Variants in KCNMB2 observed in about 807,000 individuals in gnomAD.
The protein encoded by KCNMB2 is calcium-activated potassium channel subunit beta-2.
Under a neutral mutation model 24.5 loss-of-function variants are expected in KCNMB2, and 9 were observed. That is an observed-to-expected ratio of 0.37 (90% CI 0.22 to 0.64). The LOEUF is 0.64. Ranked by LOEUF, KCNMB2 falls within the 30% of genes least tolerant of loss-of-function variation. The pLI, the probability that KCNMB2 is intolerant of heterozygous loss-of-function variation, is 0.63. For missense variants in KCNMB2, 226 were observed against 284.3 expected, an observed-to-expected ratio of 0.79 and a Z score of 1.47; for synonymous variants, 109 against 104.4, an observed-to-expected ratio of 1.04 and a Z score of -0.27.
chr3:178,662,257 C>G (rs1720558065), intron 1 of KCNMB2, among the ~76,000 whole-genome samples: 2 of 152,162 alleles, frequency 1.3e-5, no homozygotes. Context: ...TTTCTCTTCA[C>G]AAGTTCTCAT....
chr3:178,754,150 GTATATATATATATA>G (rs755809548), intron 1 of KCNMB2, among the ~76,000 whole-genome samples: 8 of 106,278 alleles, frequency 7.5e-5, no homozygotes, highest in African/African-American at 3.0e-4. Context: ...ATATTCCATT[GTATATATATATATA>G]TATATATATA....
chr3:178,706,915 G>A (rs61796869), intron 1 of KCNMB2, among the ~76,000 whole-genome samples: 9,484 of 152,178 alleles, frequency 0.062, 292 homozygotes, highest in Non-Finnish European at 0.073. Context: ...TGTGGATGAC[G>A]GGTTGATGGG....
chr3:178,760,637 A>G (rs1001726858), intron 1 of KCNMB2, among the ~76,000 whole-genome samples: 2 of 151,086 alleles, frequency 1.3e-5, no homozygotes, highest in African/African-American at 4.9e-5. Flanking sequence ...ATTTTCTTTT[A>G]CAAGAAGGAA....
rs150703097 is a variant in KCNMB2, at chr3:178,592,070, G to C, written c.-68+55359G>C. ...AGTTCAAGTTTGTATCTTTCTATGGGAGGGCAAAAGAGTACTTTCCCTTCA... is the reference window on the plus strand; with the variant it reads ...AGTTCAAGTTTGTATCTTTCTATGGCAGGGCAAAAGAGTACTTTCCCTTCA... On this transcript the variant is annotated intron_variant, in intron 1 of 4. Transcript: ENST00000452583. Among the ~76,000 whole-genome samples the C allele has an allele frequency of 5.9e-4, 90 of 152,184 alleles. 1 individual carries two copies. In the East Asian group the frequency reaches 0.014, roughly 23 times the overall value.
At chr3:178,688,759 G>A (rs6795477) in intron 1 of KCNMB2, among the ~76,000 whole-genome samples, 58,261 of 151,884 alleles carry the variant, frequency 0.38, 11,201 homozygotes, top group Middle Eastern at 0.51. Flanking sequence ...ATTTATATTT[G>A]CATAGGCTTT....
In KCNMB2 at chr3:178,812,621, A is replaced by G. The variant is rs936547746; in HGVS notation, c.56+5156A>G. Reference sequence around the variant, plus strand: ...GTAGCATTATCTTTCACAATTACGTATTTAATCATCTGGAACTGATACCCA... The same window carrying G: ...GTAGCATTATCTTTCACAATTACGTGTTTAATCATCTGGAACTGATACCCA... On this transcript the variant is annotated intron_variant, in intron 2 of 4. Transcript: ENST00000452583. Among the ~76,000 whole-genome samples the G allele has an allele frequency of 1.3e-4, 20 of 152,122 alleles. 1 individual carries two copies. Among genetic ancestry groups the G allele is most frequent in the Admixed American group, 3.9e-4 (6 of 15,272 alleles).
chr3:178,601,689 G>C (rs1718088888), intron 1 of KCNMB2, among the ~76,000 whole-genome samples: 1 of 152,156 alleles, frequency 6.6e-6, no homozygotes, highest in African/African-American at 2.4e-5. Context: ...GGCCTTGGTG[G>C]CTTCTCGGAT....
At chr3:178,609,988 T>G (rs982867032) in intron 1 of KCNMB2, among the ~76,000 whole-genome samples, 1 of 152,194 alleles carries the variant, frequency 6.6e-6, no homozygotes, top group Non-Finnish European at 1.5e-5. Context: ...TTCAATCTTC[T>G]GCATGTGAAT....
chr3:178,717,111 T>TA (rs1309849314), intron 1 of KCNMB2, among the ~76,000 whole-genome samples: 1 of 151,722 alleles, frequency 6.6e-6, no homozygotes, highest in Non-Finnish European at 1.5e-5. Context: ...AAAATAAGTA[T>TA]ATGTCAACAT....
intron 2 of KCNMB2, among the ~76,000 whole-genome samples, chr3:178,818,583 G>A (rs1714498879): frequency 6.6e-6 from 1 of 152,108 alleles, no homozygotes; most frequent in Non-Finnish European, 1.5e-5. Flanking sequence ...CTTCATCTAA[G>A]TAAATCTAAA....
intron 1 of KCNMB2, among the ~76,000 whole-genome samples, chr3:178,552,194 T>C (rs779239250): frequency 5.3e-5 from 8 of 152,122 alleles, no homozygotes; most frequent in African/African-American, 7.2e-5. Context: ...ACAGATACGA[T>C]TCTAAATGTC....
chr3:178,554,860 T>G (rs12498116), intron 1 of KCNMB2, among the ~76,000 whole-genome samples: 92,056 of 152,114 alleles, frequency 0.61, 28,509 homozygotes, highest in African/African-American at 0.74. Flanking sequence ...TATGGGTCTT[T>G]TGTAAGGACA....
At chr3:178,823,671 C>A (rs1577215867) in intron 2 of KCNMB2, among the ~76,000 whole-genome samples, 1 of 152,162 alleles carries the variant, frequency 6.6e-6, no homozygotes, top group African/African-American at 2.4e-5. Context: ...CAGAAGGGAT[C>A]AGCCAATCAG....
chr3:178,558,328 C>A (rs9290654), intron 1 of KCNMB2, among the ~76,000 whole-genome samples: 148,156 of 152,340 alleles, frequency 0.97, 72,048 homozygotes, highest in Middle Eastern at 1. Context: ...TGCAAGCTGT[C>A]ACAGGACTTA....
At chr3:178,709,151 T>G (rs1482650614) in intron 1 of KCNMB2, among the ~76,000 whole-genome samples, 1 of 152,182 alleles carries the variant, frequency 6.6e-6, no homozygotes, top group Non-Finnish European at 1.5e-5. Context: ...ATTTGTTAGT[T>G]TGCAAATGAA....
intron 1 of KCNMB2, among the ~76,000 whole-genome samples, chr3:178,607,281 G>A (rs567251512): frequency 1.4e-4 from 21 of 152,216 alleles, no homozygotes; most frequent in Non-Finnish European, 2.6e-4. Context: ...ATATTTTGAC[G>A]GAGCCCTAAA....
At chr3:178,537,724 T>C (rs1715457197) in intron 1 of KCNMB2, among the ~76,000 whole-genome samples, 1 of 152,206 alleles carries the variant, frequency 6.6e-6, no homozygotes, top group Non-Finnish European at 1.5e-5. Flanking sequence ...TCTTTGTCAT[T>C]GCATATGACC....
At chr3:178,539,776 G>A (rs1715554532) in intron 1 of KCNMB2, among the ~76,000 whole-genome samples, 1 of 151,998 alleles carries the variant, frequency 6.6e-6, no homozygotes, top group South Asian at 2.1e-4. Flanking sequence ...GTGCGTGTGT[G>A]TGTGATTTCT....
At chr3:178,712,238 G>T (rs1282333816) in intron 1 of KCNMB2, among the ~76,000 whole-genome samples, 1 of 152,154 alleles carries the variant, frequency 6.6e-6, no homozygotes, top group East Asian at 1.9e-4. Context: ...CCACCTACGT[G>T]CCATAATCGG....
Sources: allele counts gnomAD v4.1 joint callset (sites outside exome capture counted in the v4.1 genomes callset), GRCh38; gene constraint gnomAD v4.1.1; transcripts MANE v1.5; gene names NCBI Gene and HGNC (gene_info 2026-07-23, HGNC 2026-07-21).